The following CAMK1D variants were observed in gnomAD, a reference collection of about 807,000 sequenced individuals.
The protein encoded by CAMK1D is calcium/calmodulin-dependent protein kinase type 1D.
Under a neutral mutation model 47.7 loss-of-function variants are expected in CAMK1D, and 9 were observed. The ratio of observed to expected loss-of-function variants is 0.19; its 90% CI spans 0.11 to 0.33. The LOEUF (loss-of-function observed/expected upper bound fraction) is 0.33, where lower values mean the gene tolerates loss of function less well. CAMK1D is among the 10% of genes least tolerant of loss of function. CAMK1D has a pLI of 1.00. For synonymous variants in CAMK1D, 184 were observed against 184.9 expected, an observed-to-expected ratio of 0.99 and a Z score of 0.04; for missense variants, 291 against 488.7, an observed-to-expected ratio of 0.60 and a Z score of 3.81.
At chr10:12,793,793 A>G (rs1360356083) in intron 6 of CAMK1D, among the ~76,000 whole-genome samples, 1 of 152,248 alleles carries the variant, frequency 6.6e-6, no homozygotes, top group Non-Finnish European at 1.5e-5. Context: ...CAGTTCTTCT[A>G]GTGAAGAAGG....
At chr10:12,432,328 G>T (rs11257790) in intron 1 of CAMK1D, among the ~76,000 whole-genome samples, 6 of 152,102 alleles carry the variant, frequency 3.9e-5, no homozygotes, top group Non-Finnish European at 1.5e-5. Context: ...CTTAGTCCAA[G>T]GTTTATTTGT....
chr10:12,832,715 T>G lies in CAMK1D; in HGVS notation c.*3828T>G, dbSNP rs2431621. The stretch of plus-strand genomic sequence containing the variant: ...ATCTGACCTTGAGAACGGTGTAGAG[T>G]CTCTGAGCCACCGCTGGCCTTTGAG... On this transcript the variant is annotated 3_prime_UTR_variant, in exon 11 of 11. Transcript: ENST00000619168. 94,898 of 151,996 alleles carry G rather than the reference T, an allele frequency of 0.62. 32,201 individuals are homozygous for G. Among genetic ancestry groups the G allele is most frequent in the African/African-American group, 0.89 (36,781 of 41,498 alleles). The allele number at this position is 151,996 out of a possible 1,614,324, so 9.4% of individuals were successfully genotyped here. A position where few individuals can be genotyped will look rare whatever the true frequency, so the allele number is the denominator to read the frequency against.
chr10:12,555,508 G>C (rs1219294554), intron 2 of CAMK1D, among the ~76,000 whole-genome samples: 1 of 152,250 alleles, frequency 6.6e-6, no homozygotes, highest in South Asian at 2.1e-4. Flanking sequence ...TGCAGGAAAT[G>C]ATTGTATGGA....
chr10:12,485,257 G>A (rs2132107443), intron 1 of CAMK1D, among the ~76,000 whole-genome samples: 1 of 152,282 alleles, frequency 6.6e-6, no homozygotes, highest in Middle Eastern at 3.4e-3. Context: ...GAGCTCCTGG[G>A]GTAGAGAGAC....
At chr10:12,496,332 G>T (rs963897958) in intron 1 of CAMK1D, among the ~76,000 whole-genome samples, 1 of 152,186 alleles carries the variant, frequency 6.6e-6, no homozygotes, top group Non-Finnish European at 1.5e-5. Flanking sequence ...TTAAACCAGG[G>T]TAGGGGCTGT....
At chr10:12,725,245 A>T (rs77873453) in intron 3 of CAMK1D, 1 of 154,212 alleles carries the variant, frequency 6.5e-6, no homozygotes, top group African/African-American at 2.4e-5. Flanking sequence ...CTTGGAATGC[A>T]TGAATCTTAG....
At chr10:12,745,829 G>A (rs117049995) in intron 3 of CAMK1D, among the ~76,000 whole-genome samples, 2,342 of 152,004 alleles carry the variant, frequency 0.015, 39 homozygotes, top group East Asian at 0.066. Context: ...GTCTCGAACC[G>A]CTGACCTCAG....
At chr10:12,792,956 G>GCA (rs1491023995) in intron 6 of CAMK1D, among the ~76,000 whole-genome samples, 6 of 98,696 alleles carry the variant, frequency 6.1e-5, no homozygotes, top group African/African-American at 3.8e-4. Flanking sequence ...TCACATGTGT[G>GCA]CGCGCACACA....
intron 1 of CAMK1D, among the ~76,000 whole-genome samples, chr10:12,470,278 A>G (rs1353274032): frequency 6.6e-6 from 1 of 152,186 alleles, no homozygotes; most frequent in African/African-American, 2.4e-5. Context: ...TATGATATAT[A>G]AAGACTTGAC....
At chr10:12,629,127 C>T (rs981791261) in intron 2 of CAMK1D, among the ~76,000 whole-genome samples, 5 of 152,138 alleles carry the variant, frequency 3.3e-5, no homozygotes, top group African/African-American at 1.2e-4. Context: ...GGGAGCTGAG[C>T]TTGGGTGAGG....
chr10:12,827,716 T>G lies in CAMK1D; in HGVS notation c.1040-1053T>G, dbSNP rs1337084687. Reference sequence around the variant, plus strand: ...TCCTCTCTCTTCTTCTCTCTTTCTCTCACTCTCTGTCACCCAGACTGGAGT... The same window carrying G: ...TCCTCTCTCTTCTTCTCTCTTTCTCGCACTCTCTGTCACCCAGACTGGAGT... On this transcript the variant is annotated intron_variant, in intron 10 of 10. Coordinates refer to ENST00000619168, the MANE Select transcript of CAMK1D (RefSeq NM_153498.4). Among the ~76,000 whole-genome samples the G allele has an allele frequency of 1.4e-4, 21 of 147,932 alleles. No homozygotes were observed. The Admixed American group carries it at 1.4e-3, about 10-fold the overall frequency.
chr10:12,364,237 CTTTT>C (rs35224750), intron 1 of CAMK1D, among the ~76,000 whole-genome samples: 1 of 65,314 alleles, frequency 1.5e-5, no homozygotes. Context: ...TGCGCATTCT[CTTTT>C]TTTTTTTTTT....
chr10:12,724,593 A>G (rs1834533729), intron 3 of CAMK1D, among the ~76,000 whole-genome samples: 1 of 152,268 alleles, frequency 6.6e-6, no homozygotes, highest in Non-Finnish European at 1.5e-5. Flanking sequence ...AAGTGAATAC[A>G]TCCCAGTTGT....
chr10:12,490,534 TTCACTC>T (rs1834351311), intron 1 of CAMK1D, among the ~76,000 whole-genome samples: 2 of 152,168 alleles, frequency 1.3e-5, no homozygotes, highest in South Asian at 4.1e-4. Context: ...CTCACTGATA[TTCACTC>T]TATAACGAAA....
At chr10:12,802,687 A>AT (rs1415505323) in intron 6 of CAMK1D, among the ~76,000 whole-genome samples, 7 of 152,156 alleles carry the variant, frequency 4.6e-5, no homozygotes, top group Admixed American at 3.9e-4. Flanking sequence ...CGCCTGGCCA[A>AT]TTTTTTGTAT....
intron 4 of CAMK1D, among the ~76,000 whole-genome samples, chr10:12,762,362 A>G (rs1164611279): frequency 6.6e-6 from 1 of 152,250 alleles, no homozygotes; most frequent in Non-Finnish European, 1.5e-5. Flanking sequence ...TTGTATAAAC[A>G]GAGTTTCCAC....
intron 1 of CAMK1D, among the ~76,000 whole-genome samples, chr10:12,500,297 C>T (rs1834662010): frequency 1.3e-5 from 2 of 152,036 alleles, no homozygotes; most frequent in Admixed American, 6.6e-5. Context: ...AAAACAAAAC[C>T]CACAAAAAAC....
At chr10:12,677,191 A>G (rs1840838090) in intron 3 of CAMK1D, among the ~76,000 whole-genome samples, 2 of 152,192 alleles carry the variant, frequency 1.3e-5, no homozygotes, top group African/African-American at 4.8e-5. Flanking sequence ...TCGTGTGGAT[A>G]TTGTATTCAT....
intron 3 of CAMK1D, among the ~76,000 whole-genome samples, chr10:12,756,367 T>C (rs1474492776): frequency 6.6e-6 from 1 of 152,228 alleles, no homozygotes; most frequent in Non-Finnish European, 1.5e-5. Context: ...TAACAAGGGA[T>C]ACATTGCATA....
Sources: gnomAD v4.1 joint callset for allele counts (sites outside exome capture counted in the v4.1 genomes callset) on GRCh38, gnomAD v4.1.1 for gene constraint, MANE v1.5 for transcripts, NCBI Gene and HGNC (gene_info 2026-07-23, HGNC 2026-07-21) for gene names.